The following CTNNA3 variants were observed in gnomAD, a reference collection of about 807,000 sequenced individuals.
CTNNA3 encodes catenin alpha-3.
Under a neutral mutation model 95.7 loss-of-function variants are expected in CTNNA3, and 76 were observed. The observed-to-expected ratio is 0.79, with a 90% CI of 0.66 to 0.96. The LOEUF (loss-of-function observed/expected upper bound fraction) is 0.96. CTNNA3 is among the 40% of genes least tolerant of loss of function. The pLI is 0.00. For synonymous variants in CTNNA3, 431 were observed against 374.4 expected (o/e 1.15, Z -1.74); for missense variants, 1,191 against 1,089.8 (o/e 1.09, Z -1.31).
chr10:67,062,067 T>C (rs2133222509), intron 7 of CTNNA3, among the ~76,000 whole-genome samples: 1 of 152,282 alleles, frequency 6.6e-6, no homozygotes, highest in Non-Finnish European at 1.5e-5. Context: ...GAGGTAATAA[T>C]ATCTTTAAGA....
At chr10:66,325,054 G>A (rs1280820247) in intron 12 of CTNNA3, among the ~76,000 whole-genome samples, 1 of 151,784 alleles carries the variant, frequency 6.6e-6, no homozygotes, top group East Asian at 1.9e-4. Context: ...CAGAGAGGAG[G>A]GAGCTACACA....
intron 5 of CTNNA3, among the ~76,000 whole-genome samples, chr10:67,357,176 G>A (rs1280278614): frequency 6.6e-6 from 1 of 151,932 alleles, no homozygotes; most frequent in Non-Finnish European, 1.5e-5. Flanking sequence ...CTCTCCACAT[G>A]TATCCTAACT....
intron 7 of CTNNA3, among the ~76,000 whole-genome samples, chr10:67,146,992 G>A (rs1860878170): frequency 6.6e-6 from 1 of 152,066 alleles, no homozygotes; most frequent in Admixed American, 6.6e-5. Flanking sequence ...GCAGTAGTAG[G>A]CTATACCATG....
intron 1 of CTNNA3, among the ~76,000 whole-genome samples, chr10:67,702,592 C>CGT (rs1841048114): frequency 6.6e-6 from 1 of 152,174 alleles, no homozygotes; most frequent in Non-Finnish European, 1.5e-5. Context: ...AACAAAGACA[C>CGT]AACATGCCAG....
chr10:67,531,043 T>C (rs1840309190), intron 4 of CTNNA3, among the ~76,000 whole-genome samples: 1 of 152,290 alleles, frequency 6.6e-6, no homozygotes, highest in African/African-American at 2.4e-5. Context: ...TCTGCCTAGA[T>C]TTTAGAGAAT....
At chr10:66,366,434 C>T (rs1281104723) in intron 12 of CTNNA3, among the ~76,000 whole-genome samples, 7 of 152,116 alleles carry the variant, frequency 4.6e-5, no homozygotes, top group African/African-American at 1.7e-4. Context: ...TATGTTAAAA[C>T]CTATTCGCCA....
chr10:67,737,305 A>G (rs541286888), intron 1 of CTNNA3, among the ~76,000 whole-genome samples: 1 of 152,312 alleles, frequency 6.6e-6, no homozygotes, highest in South Asian at 2.1e-4. Flanking sequence ...AATAAATGAA[A>G]ATGAAAATAC....
At chr10:67,005,957 A>C (rs897052436) in intron 7 of CTNNA3, among the ~76,000 whole-genome samples, 2 of 151,938 alleles carry the variant, frequency 1.3e-5, no homozygotes, top group Non-Finnish European at 2.9e-5. Flanking sequence ...AAATGCTGGG[A>C]TTACAAGCGT....
intron 17 of CTNNA3, among the ~76,000 whole-genome samples, chr10:65,933,615 C>T (rs1023801072): frequency 1.4e-4 from 21 of 152,104 alleles, no homozygotes; most frequent in African/African-American, 3.9e-4. Context: ...AGATTAATTG[C>T]CTTTAAGATC....
At chr10:67,678,504 T>C (rs1428189674) in intron 1 of CTNNA3, among the ~76,000 whole-genome samples, 2 of 152,132 alleles carry the variant, frequency 1.3e-5, no homozygotes, top group Non-Finnish European at 2.9e-5. Flanking sequence ...GATTTAATTA[T>C]TACCAACAAA....
At chr10:66,173,142 G>T (rs1460451323) in intron 13 of CTNNA3, among the ~76,000 whole-genome samples, 1 of 152,060 alleles carries the variant, frequency 6.6e-6, no homozygotes, top group East Asian at 1.9e-4. Context: ...CTATTAGAAG[G>T]GTTTCACTAA....
At chr10:67,282,111 G>A (rs556252522) in intron 5 of CTNNA3, among the ~76,000 whole-genome samples, 1 of 152,180 alleles carries the variant, frequency 6.6e-6, no homozygotes, top group Non-Finnish European at 1.5e-5. Flanking sequence ...AAATTAAACA[G>A]AAAATAAGAC....
At chr10:66,199,600 T>C (rs1258823914) in intron 13 of CTNNA3, among the ~76,000 whole-genome samples, 1 of 150,522 alleles carries the variant, frequency 6.6e-6, no homozygotes, top group African/African-American at 2.4e-5. Flanking sequence ...GTTTGTTTGT[T>C]TGTTTGTTTT....
intron 10 of CTNNA3, among the ~76,000 whole-genome samples, chr10:66,521,462 A>G (rs1329156537): frequency 6.6e-6 from 1 of 152,172 alleles, no homozygotes; most frequent in Non-Finnish European, 1.5e-5. Context: ...AAGAAATCAG[A>G]AAGAACCAAA....
chr10:66,928,320 C>T (rs1273091255), intron 7 of CTNNA3: 1 of 1,614,088 alleles, frequency 6.2e-7, no homozygotes, highest in Non-Finnish European at 8.5e-7. Context: ...AAAGACAGTC[C>T]CTAAAGCAAA....
intron 13 of CTNNA3, among the ~76,000 whole-genome samples, chr10:66,159,280 T>C (rs576453431): frequency 5.3e-4 from 81 of 152,094 alleles, no homozygotes; most frequent in Non-Finnish European, 9.6e-4. Context: ...TTCAGTATAA[T>C]GTTGGCTGTG....
intron 15 of CTNNA3, among the ~76,000 whole-genome samples, chr10:66,053,605 C>T (rs2080009691): frequency 6.6e-6 from 1 of 151,816 alleles, no homozygotes; most frequent in Admixed American, 6.6e-5. Flanking sequence ...TATTTTTGTA[C>T]CCATTAACCA....
chr10:66,501,616 C>T (rs929353043), intron 11 of CTNNA3, among the ~76,000 whole-genome samples: 1 of 152,090 alleles, frequency 6.6e-6, no homozygotes, highest in Non-Finnish European at 1.5e-5. Context: ...GCATTCATTC[C>T]CCCCATACTA....
At chr10:66,640,289 G>A (rs955601894) in intron 9 of CTNNA3, among the ~76,000 whole-genome samples, 6 of 152,022 alleles carry the variant, frequency 3.9e-5, no homozygotes, top group Middle Eastern at 3.2e-3. Context: ...TGGCATAGTC[G>A]TTCACTAGGA....
Sources: gnomAD v4.1 joint callset for allele counts (sites outside exome capture counted in the v4.1 genomes callset) on GRCh38, gnomAD v4.1.1 for gene constraint, MANE v1.5 for transcripts, NCBI Gene and HGNC (gene_info 2026-07-23, HGNC 2026-07-21) for gene names.